The following TRIO variants were observed in gnomAD, a reference collection of about 807,000 sequenced individuals.
The protein encoded by TRIO is triple functional domain protein.
Under a neutral mutation model 351.9 loss-of-function variants are expected in TRIO, and 58 were observed. The ratio of observed to expected loss-of-function variants is 0.16; its 90% CI spans 0.13 to 0.21. The LOEUF is 0.21. Ranked by LOEUF, TRIO falls within the 10% of genes least tolerant of loss-of-function variation. The probability of loss-of-function intolerance (pLI) is 1.00; values close to 1 mark genes in which losing one functional copy is unlikely to be tolerated. For missense variants in TRIO, 3,201 were observed against 4,027.8 expected, an observed-to-expected ratio of 0.79 and a Z score of 5.56; for synonymous variants, 1,758 against 1,595.7, an observed-to-expected ratio of 1.10 and a Z score of -2.42.
chr5:14,279,275 A>G (rs7730037), intron 2 of TRIO, among the ~76,000 whole-genome samples: 9,229 of 152,278 alleles, frequency 0.061, 959 homozygotes, highest in African/African-American at 0.21. Context: ...TATGAAAACC[A>G]TATTGGTAAA....
At chr5:14,330,990 C>T in intron 10 of TRIO, 90 bp downstream of exon 10, 1 of 1,564,926 alleles carries the variant, frequency 6.4e-7, no homozygotes, top group Non-Finnish European at 8.7e-7. Context: ...GATAAGTTAG[C>T]ATTAGCTCGA....
chr5:14,498,467 G>T, intron 52 of TRIO, 52 bp from the exon 53 acceptor site: 1 of 1,590,302 alleles, frequency 6.3e-7, no homozygotes, highest in South Asian at 1.1e-5. Context: ...CAGCGCTGAT[G>T]GCCACGTGCT....
intron 1 of TRIO, among the ~76,000 whole-genome samples, chr5:14,150,379 T>C (rs899136085): frequency 6.6e-6 from 1 of 152,056 alleles, no homozygotes; most frequent in Admixed American, 6.6e-5. Flanking sequence ...ATTCTGGTTG[T>C]GGCAGTTACA....
rs78751590 is a variant in TRIO at position 14,428,541 on chromosome 5, C to A, written c.5203+8520C>A. 5.6e-4 allele frequency among the ~76,000 whole-genome samples: 85 copies of A among 152,288 alleles called. 1 individual carries two copies. In the East Asian group the frequency reaches 0.013, roughly 24 times the overall value. ...TTTCCTGAGCACCGTGCAGCCAAGA[C>A]TGAGAGATCAGTCTGAGACCTGTGA... On this transcript the variant is annotated intron_variant, in intron 34 of 56. Coordinates refer to ENST00000344204, the MANE Select transcript of TRIO (RefSeq NM_007118.4).
At chr5:14,256,474 AGG>A (rs1166431985) in intron 1 of TRIO, among the ~76,000 whole-genome samples, 1 of 152,132 alleles carries the variant, frequency 6.6e-6, no homozygotes, top group Non-Finnish European at 1.5e-5. Flanking sequence ...GCAATCAGGG[AGG>A]GGCATGGGGA....
chr5:14,472,492 T>A, intron 38 of TRIO, 100 bp from the exon 39 acceptor site: 1 of 1,208,476 alleles, frequency 8.3e-7, no homozygotes, highest in Non-Finnish European at 1.2e-6. Flanking sequence ...GATACATTAC[T>A]ATTCAGTCCT....
rs369626923 is a variant in TRIO, at chr5:14,386,470, G to A, written c.3571-968G>A. Among the ~76,000 whole-genome samples the A allele has an allele frequency of 2.6e-4, 39 of 152,268 alleles. 1 individual carries two copies. The East Asian group carries it at 4.4e-3, about 17-fold the overall frequency. ...ATCATTTATCTGGGTTTTGAACTCCGACCTTCTTTCTTTTGGGGATTTTTA... is the reference window on the plus strand; with the variant it reads ...ATCATTTATCTGGGTTTTGAACTCCAACCTTCTTTCTTTTGGGGATTTTTA... On this transcript the variant is annotated intron_variant, in intron 21 of 56. Transcript: ENST00000344204.
intron 1 of TRIO, among the ~76,000 whole-genome samples, chr5:14,247,970 G>A (rs1794530822): frequency 6.6e-6 from 1 of 151,566 alleles, no homozygotes; most frequent in South Asian, 2.1e-4. Context: ...GGAGGCTGAG[G>A]CAGAAGAATG....
intron 34 of TRIO, among the ~76,000 whole-genome samples, chr5:14,456,334 G>A (rs979929689): frequency 5.9e-5 from 9 of 152,266 alleles, no homozygotes; most frequent in Non-Finnish European, 1.0e-4. Context: ...GTGCAGCGGT[G>A]GGCTGAAGGG....
intron 42 of TRIO, 68 bp from the exon 43 acceptor site, chr5:14,479,851 T>C: frequency 7.0e-7 from 1 of 1,435,970 alleles, no homozygotes; most frequent in Non-Finnish European, 9.7e-7. Flanking sequence ...TTCTGACAAT[T>C]ACAAAGACTA....
intron 1 of TRIO, among the ~76,000 whole-genome samples, chr5:14,221,961 G>A (rs574993819): frequency 6.6e-6 from 1 of 152,104 alleles, no homozygotes; most frequent in Non-Finnish European, 1.5e-5. Context: ...TTCATCACAG[G>A]AAGAGTCGAT....
intron 38 of TRIO, among the ~76,000 whole-genome samples, chr5:14,472,045 G>T (rs1256138893): frequency 6.6e-6 from 1 of 152,178 alleles, no homozygotes; most frequent in East Asian, 1.9e-4. Flanking sequence ...ATGAATGACT[G>T]AACAACACAT....
At chr5:14,212,325 G>T (rs1461435714) in intron 1 of TRIO, among the ~76,000 whole-genome samples, 2 of 152,054 alleles carry the variant, frequency 1.3e-5, no homozygotes, top group Non-Finnish European at 2.9e-5. Flanking sequence ...TTGATTTGGT[G>T]CCTGGGCTGG....
intron 2 of TRIO, among the ~76,000 whole-genome samples, chr5:14,275,658 C>G (rs1421228316): frequency 6.7e-6 from 1 of 150,254 alleles, no homozygotes; most frequent in African/African-American, 2.4e-5. Context: ...TTTTCATCTT[C>G]TTCTCCCCGA....
intron 1 of TRIO, among the ~76,000 whole-genome samples, chr5:14,233,844 G>A (rs1251070751): frequency 2.0e-5 from 3 of 152,086 alleles, no homozygotes; most frequent in Non-Finnish European, 2.9e-5. Context: ...AGATTAGAGT[G>A]GAGTAGCACA....
chr5:14,201,872 A>C (rs1791131896), intron 1 of TRIO, among the ~76,000 whole-genome samples: 1 of 151,426 alleles, frequency 6.6e-6, no homozygotes, highest in Admixed American at 6.6e-5. Flanking sequence ...TTTCAAGAAA[A>C]AAGTTGAAAA....
chr5:14,396,441 A>ATTTTTTTTTT (rs1579529919), intron 28 of TRIO, among the ~76,000 whole-genome samples: 1 of 57,692 alleles, frequency 1.7e-5, no homozygotes, highest in Non-Finnish European at 4.0e-5. Flanking sequence ...ATTTCTATTT[A>ATTTTTTTTTT]TCTTTTTTTT....
chr5:14,415,133 G>A (rs1749534426), intron 33 of TRIO, among the ~76,000 whole-genome samples: 1 of 152,202 alleles, frequency 6.6e-6, no homozygotes, highest in Non-Finnish European at 1.5e-5. Flanking sequence ...GTTCACGGGA[G>A]TTAATACACT....
intron 11 of TRIO, among the ~76,000 whole-genome samples, chr5:14,345,821 T>G (rs893240025): frequency 2.6e-5 from 4 of 152,226 alleles, no homozygotes; most frequent in African/African-American, 9.6e-5. Flanking sequence ...ATTATAGACA[T>G]GAGCCACTGT....
Sources: gnomAD v4.1 joint callset for allele counts (sites outside exome capture counted in the v4.1 genomes callset) on GRCh38, gnomAD v4.1.1 for gene constraint, MANE v1.5 for transcripts, NCBI Gene and HGNC (gene_info 2026-07-23, HGNC 2026-07-21) for gene names.